Variants in UNC13C observed in about 807,000 individuals in gnomAD.
The protein encoded by UNC13C is protein unc-13 homolog C.
A neutral mutation model predicts 245.4 loss-of-function variants in UNC13C; 174 were observed. That is an observed-to-expected ratio of 0.71 (90% CI 0.63 to 0.80). The LOEUF is 0.80. Ranked by LOEUF, UNC13C falls within the 30% of genes least tolerant of loss-of-function variation. The probability of loss-of-function intolerance (pLI) is 0.00; values close to 1 mark genes in which losing one functional copy is unlikely to be tolerated. For missense variants in UNC13C, 2,829 were observed against 2,602.9 expected (o/e 1.09, Z -1.89); for synonymous variants, 992 against 895.1 (o/e 1.11, Z -1.93).
At chr15:54,446,007 C>A (rs868628055) in intron 19 of UNC13C, among the ~76,000 whole-genome samples, 1 of 152,048 alleles carries the variant, frequency 6.6e-6, no homozygotes, top group Admixed American at 6.6e-5. Flanking sequence ...AGCTTTCTAC[C>A]TATGGCTAGC....
At chr15:54,523,760 G>A (rs894920967) in intron 24 of UNC13C, among the ~76,000 whole-genome samples, 9 of 152,136 alleles carry the variant, frequency 5.9e-5, no homozygotes, top group African/African-American at 1.9e-4. Context: ...CCCATTTCCT[G>A]AAGGAAATAC....
At chr15:54,427,084 C>T (rs1374198841) in intron 19 of UNC13C, among the ~76,000 whole-genome samples, 1 of 151,756 alleles carries the variant, frequency 6.6e-6, no homozygotes, top group East Asian at 1.9e-4. Flanking sequence ...TAAAGCATAA[C>T]ATTTTACAAA....
chr15:54,291,753 A>G (rs1397246028), intron 10 of UNC13C, among the ~76,000 whole-genome samples: 2 of 152,054 alleles, frequency 1.3e-5, no homozygotes, highest in African/African-American at 2.4e-5. Flanking sequence ...CAACCCTGTC[A>G]GACCCAGTGA....
intron 4 of UNC13C, among the ~76,000 whole-genome samples, chr15:54,216,405 C>T (rs753613049): frequency 6.6e-6 from 1 of 151,928 alleles, no homozygotes; most frequent in South Asian, 2.1e-4. Context: ...GACGAGGAAA[C>T]AGCTAAAAAA....
chr15:53,882,743 G>A, the UNC13C span, among the ~76,000 whole-genome samples: 3 of 152,052 alleles, frequency 2.0e-5, no homozygotes, highest in Non-Finnish European at 2.9e-5. Context: ...CTTGAGTTAC[G>A]GATTGATATA....
intron 1 of UNC13C, among the ~76,000 whole-genome samples, chr15:53,987,466 A>T (rs1894193217): frequency 6.6e-6 from 1 of 152,062 alleles, no homozygotes; most frequent in Non-Finnish European, 1.5e-5. Flanking sequence ...CAGAATAGCA[A>T]TTCAAAGCCA....
At chr15:53,997,312 T>C (rs911672094) in intron 1 of UNC13C, among the ~76,000 whole-genome samples, 2 of 152,186 alleles carry the variant, frequency 1.3e-5, no homozygotes, top group Non-Finnish European at 2.9e-5. Flanking sequence ...CATGTGAGTG[T>C]GATACAAATC....
intron 10 of UNC13C, among the ~76,000 whole-genome samples, chr15:54,269,390 C>G (rs1244920718): frequency 2.0e-5 from 3 of 151,646 alleles, no homozygotes; most frequent in Admixed American, 6.6e-5. Flanking sequence ...GATTGATAAG[C>G]CAAAAACAAA....
chr15:54,166,648 T>C (rs961548462), intron 4 of UNC13C, among the ~76,000 whole-genome samples: 4 of 152,134 alleles, frequency 2.6e-5, no homozygotes, highest in Non-Finnish European at 5.9e-5. Flanking sequence ...CTAATAGTGA[T>C]GTTAGTAAAA....
chr15:54,235,050 G>A lies in UNC13C; in HGVS notation c.3092G>A (p.Gly1031Asp), dbSNP rs544778834. The A allele has an allele frequency of 6.2e-7, 1 of 1,613,810 alleles. No individual in the cohort carries two copies. The highest frequency in any genetic ancestry group is 8.5e-7 in the Non-Finnish European group (1 of 1,179,818). ...TTCAGGGCTGGAGGTGGACTTTATG[G>A]TATTGACAGCATGCCGGATCTTCGC... The part of the protein sequence containing the change: ...VCGGAGGGLY[G>D]IDSMPDLRRK... Residue 1031 changes from glycine to aspartate, a missense_variant, in exon 5 of 33, where the codon GGT becomes GAT. Gly to Asp is a moderately conservative substitution (Grantham distance 94). Transcript: ENST00000260323.
At chr15:54,604,188 T>C (rs1899623575) in intron 30 of UNC13C, among the ~76,000 whole-genome samples, 1 of 152,158 alleles carries the variant, frequency 6.6e-6, no homozygotes, top group African/African-American at 2.4e-5. Flanking sequence ...TGTCCTAGCA[T>C]TGTGTATATC....
At chr15:54,417,575 A>G (rs2040548294) in intron 19 of UNC13C, among the ~76,000 whole-genome samples, 1 of 152,090 alleles carries the variant, frequency 6.6e-6, no homozygotes, top group Non-Finnish European at 1.5e-5. Flanking sequence ...GCATAACTGT[A>G]TTTTCCATAT....
At chr15:54,094,898 G>C (rs1899770706) in intron 2 of UNC13C, among the ~76,000 whole-genome samples, 1 of 152,152 alleles carries the variant, frequency 6.6e-6, no homozygotes. Flanking sequence ...CAAGTACAAA[G>C]TGATTCAGAC....
chr15:54,234,962 C>T, intron 4 of UNC13C, 68 bp from the exon 5 acceptor site: 4 of 1,352,584 alleles, frequency 3.0e-6, no homozygotes, highest in Non-Finnish European at 4.2e-6. Context: ...ATACCATGAA[C>T]AGTGGATGTT....
At chr15:54,172,758 A>ATATATC (rs2033464740) in intron 4 of UNC13C, among the ~76,000 whole-genome samples, 1 of 98,080 alleles carries the variant, frequency 1.0e-5, no homozygotes, top group Non-Finnish European at 1.9e-5. Flanking sequence ...ATATATATAT[A>ATATATC]TATCTTTACT....
At chr15:54,202,055 C>T (rs2034540944) in intron 4 of UNC13C, among the ~76,000 whole-genome samples, 1 of 150,150 alleles carries the variant, frequency 6.7e-6, no homozygotes, top group South Asian at 2.1e-4. Context: ...GAACTCAACC[C>T]CTTTCACAGT....
At chr15:54,122,887 T>A (rs949706116) in intron 2 of UNC13C, among the ~76,000 whole-genome samples, 1 of 152,086 alleles carries the variant, frequency 6.6e-6, no homozygotes, top group Non-Finnish European at 1.5e-5. Flanking sequence ...TTCCAGTATT[T>A]GGGTATTATT....
At chr15:54,321,852 G>GA in intron 13 of UNC13C, 87 bp from the exon 14 acceptor site, 1 of 1,249,540 alleles carries the variant, frequency 8.0e-7, no homozygotes. Context: ...TGTAGCTGTG[G>GA]AATTAATTGC....
intron 10 of UNC13C, among the ~76,000 whole-genome samples, chr15:54,275,907 C>T (rs6493670): frequency 0.54 from 81,948 of 151,894 alleles, 24,013 homozygotes; most frequent in African/African-American, 0.78. Flanking sequence ...AGATATAAGT[C>T]GTGGTAAATC....
Sources: gnomAD v4.1 joint callset for allele counts (sites outside exome capture counted in the v4.1 genomes callset) on GRCh38, gnomAD v4.1.1 for gene constraint, MANE v1.5 for transcripts, NCBI Gene and HGNC (gene_info 2026-07-23, HGNC 2026-07-21) for gene names.